The following TEX11 variants were observed in gnomAD, a reference collection of about 807,000 sequenced individuals.
TEX11 encodes testis expressed 11.
In TEX11, 7 loss-of-function variants were observed where a neutral mutation model predicts 84.4. The observed-to-expected ratio is 0.08, with a 90% CI of 0.05 to 0.16. The LOEUF (loss-of-function observed/expected upper bound fraction) is 0.16. TEX11 is among the 10% of genes least tolerant of loss of function. The pLI, the probability that TEX11 is intolerant of heterozygous loss-of-function variation, is 1.00. For missense variants in TEX11, 551 were observed against 660.5 expected, an observed-to-expected ratio of 0.83 and a Z score of 1.82; for synonymous variants, 264 against 222.8, an observed-to-expected ratio of 1.18 and a Z score of -1.64.
intron 2 of TEX11, among the ~76,000 whole-genome samples, chrX:70,901,735 T>C (rs2091804295): frequency 9.0e-6 from 1 of 111,603 alleles, no homozygotes; most frequent in Non-Finnish European, 1.9e-5. Context: ...AGACAGGTAA[T>C]GGTCCGTGGC....
intron 24 of TEX11, among the ~76,000 whole-genome samples, chrX:70,599,570 G>T (rs923046801): frequency 1.8e-5 from 2 of 109,609 alleles, no homozygotes; most frequent in Admixed American, 9.7e-5. Flanking sequence ...TGCACATTGT[G>T]CAGGTTAGTT....
intron 25 of TEX11, among the ~76,000 whole-genome samples, chrX:70,563,371 A>T (rs1413783388): frequency 8.9e-6 from 1 of 112,189 alleles, no homozygotes; most frequent in Non-Finnish European, 1.9e-5. Flanking sequence ...CCTATTTCTG[A>T]AATAGTTGAT....
intron 25 of TEX11, among the ~76,000 whole-genome samples, chrX:70,562,663 G>A (rs753712808): frequency 8.9e-6 from 1 of 112,083 alleles, no homozygotes; most frequent in East Asian, 2.8e-4. Flanking sequence ...TCCACATCCT[G>A]ATTGATTTAT....
At chrX:70,690,615 A>T (rs2090226136) in intron 13 of TEX11, among the ~76,000 whole-genome samples, 1 of 111,310 alleles carries the variant, frequency 9.0e-6, no homozygotes, top group African/African-American at 3.3e-5. Context: ...CTGAGGCAGG[A>T]AGATCACTTG....
intron 2 of TEX11, among the ~76,000 whole-genome samples, chrX:70,882,772 C>T (rs1276133667): frequency 9.3e-6 from 1 of 108,087 alleles, no homozygotes; most frequent in African/African-American, 3.4e-5. Context: ...AGAGCAAGAC[C>T]TTGTCTCTCA....
At chrX:70,663,425 G>C (rs1420078726) in intron 16 of TEX11, among the ~76,000 whole-genome samples, 1 of 111,781 alleles carries the variant, frequency 8.9e-6, no homozygotes, top group Non-Finnish European at 1.9e-5. Context: ...CTCCCTGACA[G>C]CCATTCAAAT....
intron 17 of TEX11, 33 bp downstream of exon 17, chrX:70,651,417 T>TATTTGACTATTA: frequency 2.0e-6 from 2 of 981,319 alleles, no homozygotes; most frequent in Non-Finnish European, 2.9e-6. Flanking sequence ...TTTGTGTTAA[T>TATTTGACTATTA]AGTCAAATAT....
intron 8 of TEX11, among the ~76,000 whole-genome samples, chrX:70,814,311 A>G (rs2068546571): frequency 9.0e-6 from 1 of 111,537 alleles, no homozygotes; most frequent in Non-Finnish European, 1.9e-5. Context: ...ATCTACAACC[A>G]TCCGATCTTT....
chrX:70,826,311 C>CA lies in TEX11; in HGVS notation c.606+7201dup, dbSNP rs1199564180. Among the ~76,000 whole-genome samples the CA allele has an allele frequency of 0.013, 516 of 38,303 alleles. 18 individuals are homozygous for CA. In the East Asian group the frequency reaches 0.19, roughly 14 times the overall value. The allele number at this position is 38,303 out of a possible 115,157, so 33.3% of individuals were successfully genotyped here. On this transcript the variant is annotated intron_variant, in intron 8 of 29. Coordinates refer to ENST00000374333, the MANE Select transcript of TEX11 (RefSeq NM_031276.3). ...GGGCAACAAGAGCGAAACTCCTTGT[C>CA]AAAAAAAAAAAAAAAGCTAAAATAA...
rs190374949 is a variant in TEX11 at position 70,733,932 on chromosome X, A to T, written c.843+6769T>A. ...ATGTCCAACAGTGATAGACTGGATT[A>T]AGAAAAAGTGGCACATACACACCAT... On this transcript the variant is annotated intron_variant, in intron 11 of 29. Coordinates refer to ENST00000374333, the MANE Select transcript of TEX11 (RefSeq NM_031276.3). Among the ~76,000 whole-genome samples, 693 of 112,099 alleles carry T rather than the reference A, an allele frequency of 6.2e-3. 10 individuals are homozygous for T. Among genetic ancestry groups the T allele is most frequent in the South Asian group, 0.01 (27 of 2,637 alleles).
chrX:70,584,521 G>A (rs55872145), intron 25 of TEX11, among the ~76,000 whole-genome samples: 12,622 of 111,189 alleles, frequency 0.11, 603 homozygotes, highest in Middle Eastern at 0.19. Context: ...TAATGGAAGA[G>A]GAGGGAATAC....
chrX:70,755,520 A>T (rs2090861011), intron 9 of TEX11, among the ~76,000 whole-genome samples: 2 of 112,033 alleles, frequency 1.8e-5, no homozygotes, highest in African/African-American at 6.5e-5. Context: ...GCAGACCTAC[A>T]AGATCTAGAA....
intron 12 of TEX11, among the ~76,000 whole-genome samples, chrX:70,725,050 T>A (rs112790378): frequency 0.12 from 12,264 of 105,106 alleles, 598 homozygotes; most frequent in Middle Eastern, 0.19. Context: ...CAGCTTTTTT[T>A]AAAAAAAAAA....
At chrX:70,792,545 C>T (rs918063595) in intron 9 of TEX11, among the ~76,000 whole-genome samples, 1 of 104,082 alleles carries the variant, frequency 9.6e-6, no homozygotes, top group Admixed American at 1.1e-4. Flanking sequence ...TGACTAAAAC[C>T]ATAGCAAAAC....
At chrX:70,684,247 C>T (rs1193660603) in intron 13 of TEX11, among the ~76,000 whole-genome samples, 1 of 111,796 alleles carries the variant, frequency 8.9e-6, no homozygotes, top group Non-Finnish European at 1.9e-5. Context: ...ATAAAATATC[C>T]AAAAAGGAAA....
At chrX:70,564,695 A>G (rs2088431897) in intron 25 of TEX11, among the ~76,000 whole-genome samples, 1 of 107,144 alleles carries the variant, frequency 9.3e-6, no homozygotes, top group Non-Finnish European at 1.9e-5. Context: ...GAGAATGATG[A>G]TTTCCAATTT....
intron 11 of TEX11, among the ~76,000 whole-genome samples, chrX:70,731,411 A>G (rs1376654011): frequency 6.0e-4 from 67 of 111,051 alleles, no homozygotes; most frequent in Admixed American, 1.1e-3. Flanking sequence ...CGCTAGCAAG[A>G]CTAATAAAGA....
chrX:70,705,077 G>A (rs904836518), intron 13 of TEX11, among the ~76,000 whole-genome samples: 2 of 111,571 alleles, frequency 1.8e-5, no homozygotes, highest in Admixed American at 1.9e-4. Flanking sequence ...GCTTGTTTTT[G>A]TCAGGTTTGT....
the TEX11 span, among the ~76,000 whole-genome samples, chrX:70,515,492 T>G: frequency 8.9e-5 from 10 of 112,449 alleles, no homozygotes; most frequent in Admixed American, 9.4e-5. Context: ...GGTGTATATG[T>G]GCCACATTTT....
Sources: allele counts gnomAD v4.1 joint callset (sites outside exome capture counted in the v4.1 genomes callset), GRCh38; gene constraint gnomAD v4.1.1; transcripts MANE v1.5; gene names NCBI Gene and HGNC (gene_info 2026-07-23, HGNC 2026-07-21).